NRXN2: variants seen among roughly 807,000 people sequenced by gnomAD.
NRXN2 encodes the protein neurexin-2-beta.
NRXN2 carries 29 observed loss-of-function variants against 128.8 expected under a neutral mutation model. The ratio of observed to expected loss-of-function variants is 0.23; its 90% confidence interval spans 0.17 to 0.31. The LOEUF (loss-of-function observed/expected upper bound fraction) is 0.31. Among genes scored for constraint, NRXN2 ranks in the 10% least tolerant of loss-of-function variants. The pLI is 1.00. For missense variants in NRXN2, 1,881 were observed against 2,452.6 expected (o/e 0.77, Z 4.92); for synonymous variants, 1,098 against 1,075.2 (o/e 1.02, Z -0.41).
chr11:64,660,675 T>C lies in NRXN2; in HGVS notation c.2185+78A>G, dbSNP rs1041666885. The C allele has an allele frequency of 5.1e-5, 81 of 1,598,090 alleles. No homozygotes were observed. The highest frequency in any genetic ancestry group is 6.5e-5 in the Non-Finnish European group (77 of 1,175,872). ...CCCCTAGGAGGAGGTGGCACAGGGATGGAAAGTAGGAGTCACCCTGAGAAG... is the reference window on the plus strand; with the variant it reads ...CCCCTAGGAGGAGGTGGCACAGGGACGGAAAGTAGGAGTCACCCTGAGAAG... On this transcript the variant is annotated intron_variant, in intron 10 of 22. Coordinates refer to ENST00000265459, the MANE Select transcript of NRXN2 (RefSeq NM_015080.4). The surrounding 1 kb of genome is among the most constrained non-coding windows in gnomAD (Gnocchi z 5.2).
At chr11:64,696,030 G>C in intron 3 of NRXN2, among the ~76,000 whole-genome samples, 1 of 149,466 alleles carries the variant, frequency 6.7e-6, no homozygotes, top group East Asian at 2.0e-4. Flanking sequence ...CTTGAGGCTT[G>C]AGTCTTTCTC....
intron 1 of NRXN2, among the ~76,000 whole-genome samples, chr11:64,722,227 G>A (rs1314183361): frequency 8.5e-6 from 1 of 117,090 alleles, no homozygotes; most frequent in Non-Finnish European, 1.8e-5. Context: ...CCCTGTCACC[G>A]CCCCCAGCGC....
At position 64,648,855 on chromosome 11, in the gene NRXN2, C is replaced by A. The variant is rs2047079001; in HGVS notation, c.3162G>T (p.Lys1054Asn). 10 of 1,614,200 alleles carry A rather than the reference C, an allele frequency of 6.2e-6. No homozygotes were observed. The highest frequency in any genetic ancestry group is 1.3e-5 in the African/African-American group (1 of 75,050). Residue 1054 changes from lysine (K) to asparagine (N), a missense_variant, in exon 16 of 23, where the codon AAG becomes AAT. Lys to Asn is a moderately conservative substitution (Grantham distance 94, BLOSUM62 0). Transcript: ENST00000265459. This position sits in a 1 kb window ranked among gnomAD's most constrained non-coding sequence, Gnocchi z 4.1. ...LSKNMFSNLP[K>N]LVASRDGFQG... ...GAAAGCCATCCCGGGAGGCCACCAG[C>A]TTGGGCAGGTTGCTGAACATATTCT...
Position 64,711,776 on chromosome 11 carries a change from C to G in NRXN2, c.730+1194G>C, listed in dbSNP as rs74926544. ...GAGAGACTATTGGCCATCTCTGACC[C>G]TCACCCAAACTGTCCACTCCTCGTC... On this transcript the variant is annotated intron_variant, in intron 2 of 22. Coordinates refer to ENST00000265459, the MANE Select transcript of NRXN2 (RefSeq NM_015080.4). 4.9e-3 allele frequency among the ~76,000 whole-genome samples: 739 copies of G among 152,312 alleles called. 5 individuals are homozygous for G. The highest frequency in any genetic ancestry group is 8.5e-3 in the Non-Finnish European group (576 of 68,028).
At chr11:64,643,361 GA>G (rs2046068903) in intron 17 of NRXN2, 1 of 609,862 alleles carries the variant, frequency 1.6e-6, no homozygotes, top group Non-Finnish European at 2.0e-6. Context: ...GCGGCCGGGG[GA>G]GGGGGGGGCG....
chr11:64,680,323 AAG>A (rs1258392747), intron 6 of NRXN2, among the ~76,000 whole-genome samples: 1 of 152,190 alleles, frequency 6.6e-6, no homozygotes, highest in Non-Finnish European at 1.5e-5. Context: ...GCTCAGGACA[AAG>A]AGAAGAGGAA....
chr11:64,653,256 T>C (rs2849042), intron 12 of NRXN2, among the ~76,000 whole-genome samples: 149,431 of 152,212 alleles, frequency 0.98, 73,415 homozygotes, highest in Middle Eastern at 1. Context: ...TCCTCTTTCC[T>C]GCATCCCTCG....
Position 64,667,608 on chromosome 11 carries a change from C to T in NRXN2, c.1440G>A (p.Gly480=), listed in dbSNP as rs762072133. ...CATCCTCACAGCGGAATGACAAGTC[C>T]CCCTGCAGCTTCATCTTGGGGTCCC... ...KEGDPKMKLQ[G]DLSFRCEDVA... The change falls in exon 9 of 23, where the codon GGG becomes GGA. Residue 480 remains glycine, a synonymous_variant. Transcript: ENST00000265459. This position sits in a 1 kb window ranked among gnomAD's most constrained non-coding sequence, Gnocchi z 5.6. 1.2e-6 allele frequency: 2 copies of T among 1,614,202 alleles called. No homozygotes were observed. The highest frequency in any genetic ancestry group is 1.3e-5 in the African/African-American group (1 of 75,046).
chr11:64,713,432 G>A lies in NRXN2; in HGVS notation c.268C>T (p.Arg90Cys). 6.6e-7 allele frequency: 1 copy of A among 1,509,676 alleles called. No homozygotes were observed. Among genetic ancestry groups the A allele is most frequent in the African/African-American group, 1.4e-5 (1 of 70,082 alleles). 93.5% of individuals were successfully genotyped at this position (1,509,676 alleles called of 1,614,324 possible). ...GGCTCGGCGCACGAAAGCGTGAAGC[G>A]CAGCCGCAGGCGGCCGTCCACCAGC... is the stretch of plus-strand genomic sequence containing the variant. ...LLLVDGRLRL[R>C]FTLSCAEPAT... Residue 90 changes from arginine to cysteine, a missense_variant, in exon 2 of 23, where the codon CGC (arginine) becomes TGC (cysteine). By Grantham distance (180) the Arg-to-Cys change is radical (BLOSUM62 -3). Around this residue, in one of 7 missense-constraint regions of NRXN2, gnomAD observed 997 missense variants for 1,240.8 expected, o/e 0.80. Transcript: ENST00000265459.
intron 5 of NRXN2, among the ~76,000 whole-genome samples, chr11:64,690,025 C>A (rs2053590707): frequency 6.6e-6 from 1 of 152,216 alleles, no homozygotes; most frequent in Non-Finnish European, 1.5e-5. Context: ...TCAGAATTTC[C>A]CTGGACTGGG....
chr11:64,663,237 G>A (rs963941657), intron 9 of NRXN2, among the ~76,000 whole-genome samples: 15 of 151,956 alleles, frequency 9.9e-5, no homozygotes, highest in Non-Finnish European at 2.1e-4. Flanking sequence ...GGGCATGGTG[G>A]GCATCTGCAA....
intron 2 of NRXN2, among the ~76,000 whole-genome samples, chr11:64,702,007 G>GT (rs2055497288): frequency 6.7e-6 from 1 of 149,230 alleles, no homozygotes; most frequent in African/African-American, 2.5e-5. Context: ...GAGGTGGGGG[G>GT]GGTCAGCCCC....
At chr11:64,704,321 A>G (rs1265316229) in intron 2 of NRXN2, among the ~76,000 whole-genome samples, 1 of 152,136 alleles carries the variant, frequency 6.6e-6, no homozygotes, top group Non-Finnish European at 1.5e-5. Context: ...AGGGAAAAGA[A>G]AAGACTCTAA....
In NRXN2 at chr11:64,697,867, G is replaced by A. The variant is rs377032150; in HGVS notation, c.731-75C>T. ...GGAGGGCTGTTAGCAAAGGTACCAC[G>A]GACAGGGGCTCCAAGGGGAGAGAGG... is the stretch of plus-strand genomic sequence containing the variant. On this transcript the variant is annotated intron_variant, in intron 2 of 22. Transcript: ENST00000265459. 1.6e-4 allele frequency: 256 copies of A among 1,567,134 alleles called. No homozygotes were observed. In the African/African-American group the frequency reaches 3.1e-3, roughly 19 times the overall value.
At chr11:64,633,598 C>A (rs2044255413) in intron 18 of NRXN2, among the ~76,000 whole-genome samples, 1 of 152,166 alleles carries the variant, frequency 6.6e-6, no homozygotes, top group South Asian at 2.1e-4. Context: ...CCAGTCACAC[C>A]CCGCCACCCA....
At chr11:64,682,385 G>C (rs1430710002) in intron 6 of NRXN2, among the ~76,000 whole-genome samples, 1 of 150,684 alleles carries the variant, frequency 6.6e-6, no homozygotes, top group South Asian at 2.1e-4. Context: ...ATCTTTAGGG[G>C]ACTCCATCCT....
In NRXN2 at chr11:64,660,908, T is replaced by A; in HGVS notation, c.2030A>T (p.Gln677Leu). Residue 677 changes from glutamine to leucine, a missense_variant, in exon 10 of 23, where the codon CAG (glutamine) becomes CTG (leucine). Transcript: ENST00000265459. The surrounding 1 kb of genome is among the most constrained non-coding windows in gnomAD (Gnocchi z 5.2). ...SRDLRGLAEA[Q>L]GAVGVAPFCS... ...AAAGGGGGCAACGCCCACAGCCCCC[T>A]GAGCCTCAGCCAGGCCCCGGAGGTC... 6.2e-7 allele frequency: 1 copy of A among 1,613,590 alleles called. No homozygotes were observed. Among genetic ancestry groups the A allele is most frequent in the Non-Finnish European group, 8.5e-7 (1 of 1,179,716 alleles).
At chr11:64,679,481 C>CA (rs1280556651) in intron 6 of NRXN2, among the ~76,000 whole-genome samples, 2 of 151,732 alleles carry the variant, frequency 1.3e-5, no homozygotes, top group Non-Finnish European at 2.9e-5. Flanking sequence ...ACTAAAAATA[C>CA]AAAAAATTAG....
Position 64,685,929 on chromosome 11 carries a change from G to A in NRXN2, c.869C>T (p.Ala290Val), listed in dbSNP as rs1438724576. 4 of 1,614,018 alleles carry A rather than the reference G, an allele frequency of 2.5e-6. No homozygotes were observed. The highest frequency in any genetic ancestry group is 1.1e-5 in the South Asian group (1 of 91,082). The change falls in exon 6 of 23, where the codon GCG (alanine) becomes GTG (valine). Residue 290 changes from alanine (A) to valine (V), a missense_variant. This residue lies in a region of NRXN2 where 997 missense variants were observed against 1,240.8 expected (regional missense o/e 0.80). Transcript: ENST00000265459. ...GAAGAACTCATTGCCTTTGAAGGTC[G>A]CCACAAACTCCTCCTTGCCTGGATG... ...QPTKGKEEFVATFKGNEFFCY... is the reference protein window; with the variant it reads ...QPTKGKEEFVVTFKGNEFFCY...
Sources: gnomAD v4.1 joint callset for allele counts (sites outside exome capture counted in the v4.1 genomes callset) on GRCh38, gnomAD v4.1.1 for gene constraint, gnomAD v4.1.1 regional missense constraint, Gnocchi (gnomAD v3.1) non-coding constraint, MANE v1.5 for transcripts, NCBI Gene and HGNC (gene_info 2026-07-23, HGNC 2026-07-21) for gene names.